The following GPC6 variants were observed in gnomAD, a reference collection of about 807,000 sequenced individuals.
GPC6 encodes the protein glypican 6.
In GPC6, 14 loss-of-function variants were observed where a neutral mutation model predicts 55.2. The observed-to-expected ratio is 0.25, with a 90% confidence interval of 0.17 to 0.40. GPC6 has a LOEUF of 0.40. GPC6 is among the 10% of genes least tolerant of loss of function. The pLI is 1.00. For missense variants in GPC6, 641 were observed against 708.5 expected (o/e 0.90, Z 1.08); for synonymous variants, 278 against 259.6 (o/e 1.07, Z -0.68).
chr13:93,497,831 C>T (rs1321126517), intron 1 of GPC6, among the ~76,000 whole-genome samples: 3 of 152,174 alleles, frequency 2.0e-5, no homozygotes, highest in Non-Finnish European at 2.9e-5. Flanking sequence ...ATTCCAGAAG[C>T]CCCCTTAGAG....
intron 1 of GPC6, among the ~76,000 whole-genome samples, chr13:93,276,503 T>A (rs998086160): frequency 2.3e-3 from 225 of 99,582 alleles, no homozygotes; most frequent in African/African-American, 8.2e-3. Flanking sequence ...AGAGTGTGTG[T>A]GTGTGTGTGT....
intron 5 of GPC6, among the ~76,000 whole-genome samples, chr13:94,298,801 T>C (rs1010875054): frequency 1.3e-5 from 2 of 152,242 alleles, no homozygotes; most frequent in Non-Finnish European, 2.9e-5. Flanking sequence ...CATGATTCAT[T>C]CCTTCAGTCT....
intron 7 of GPC6, among the ~76,000 whole-genome samples, chr13:94,382,825 C>T (rs192572195): frequency 7.9e-4 from 120 of 152,318 alleles, no homozygotes; most frequent in Middle Eastern, 3.4e-3. Flanking sequence ...TTCAGATACC[C>T]TGAGATCACA....
chr13:93,844,778 G>T (rs1382828335), intron 3 of GPC6, among the ~76,000 whole-genome samples: 1 of 145,978 alleles, frequency 6.9e-6, no homozygotes, highest in African/African-American at 2.5e-5. Flanking sequence ...ATGGTTTTAG[G>T]TCTAACGTTT....
chr13:93,323,962 A>ACCATTATATTG, intron 1 of GPC6, among the ~76,000 whole-genome samples: 1 of 152,286 alleles, frequency 6.6e-6, no homozygotes, highest in African/African-American at 2.4e-5. Context: ...AGGAAAGGAA[A>ACCATTATATTG]CCATTATATT....
chr13:94,099,014 A>G (rs1415088903), intron 4 of GPC6, among the ~76,000 whole-genome samples: 1 of 152,122 alleles, frequency 6.6e-6, no homozygotes, highest in African/African-American at 2.4e-5. Context: ...GCAGTAACAT[A>G]TATTTATCCC....
rs148353029 is a variant in GPC6, at chr13:93,864,135, A to C, written c.711+33590A>C. Reference sequence around the variant, plus strand: ...CTAATTTCAAATTAGCTACAATGGCAGATAGTTAGGCATTGTGAATAAAAA... The same window carrying C: ...CTAATTTCAAATTAGCTACAATGGCCGATAGTTAGGCATTGTGAATAAAAA... On this transcript the variant is annotated intron_variant, in intron 3 of 8. Coordinates refer to ENST00000377047, the MANE Select transcript of GPC6 (RefSeq NM_005708.5). 9.7e-4 allele frequency among the ~76,000 whole-genome samples: 147 copies of C among 151,806 alleles called. No homozygotes were observed. The East Asian group carries it at 0.012, about 12-fold the overall frequency.
At chr13:94,183,762 T>C (rs919664315) in intron 4 of GPC6, among the ~76,000 whole-genome samples, 1 of 152,186 alleles carries the variant, frequency 6.6e-6, no homozygotes, top group African/African-American at 2.4e-5. Context: ...TTATAGCCAT[T>C]CTAGCAGGTC....
chr13:93,867,694 A>T (rs903537921), intron 3 of GPC6, among the ~76,000 whole-genome samples: 1 of 151,724 alleles, frequency 6.6e-6, no homozygotes, highest in African/African-American at 2.4e-5. Context: ...CTCCTGCTCC[A>T]CTGTGAGCTT....
chr13:94,048,387 C>G (rs969339179), intron 4 of GPC6, among the ~76,000 whole-genome samples: 3 of 151,728 alleles, frequency 2.0e-5, no homozygotes, highest in African/African-American at 7.3e-5. Context: ...AATAAGAAAC[C>G]AGGATAAATG....
chr13:93,604,111 C>G (rs1187190475), intron 2 of GPC6, among the ~76,000 whole-genome samples: 1 of 152,164 alleles, frequency 6.6e-6, no homozygotes, highest in African/African-American at 2.4e-5. Context: ...GATGCATGTC[C>G]TCTGTTAATG....
At chr13:93,866,909 A>T (rs1242472455) in intron 3 of GPC6, among the ~76,000 whole-genome samples, 1 of 151,736 alleles carries the variant, frequency 6.6e-6, no homozygotes, top group Non-Finnish European at 1.5e-5. Flanking sequence ...AAACATTTCT[A>T]AAAATATATA....
At chr13:93,615,156 T>A (rs1024380500) in intron 2 of GPC6, among the ~76,000 whole-genome samples, 1 of 152,178 alleles carries the variant, frequency 6.6e-6, no homozygotes, top group Non-Finnish European at 1.5e-5. Flanking sequence ...CAATAAAAGT[T>A]TCCTGTGGTG....
At chr13:93,307,709 A>G (rs1285195513) in intron 1 of GPC6, among the ~76,000 whole-genome samples, 1 of 152,132 alleles carries the variant, frequency 6.6e-6, no homozygotes, top group Non-Finnish European at 1.5e-5. Flanking sequence ...AATGAGGTGT[A>G]TGATAAACTT....
At position 94,023,988 on chromosome 13, in the gene GPC6, G is replaced by A. The variant is rs527996754; in HGVS notation, c.712-3741G>A. On this transcript the variant is annotated intron_variant, in intron 3 of 8. Coordinates refer to ENST00000377047, the MANE Select transcript of GPC6 (RefSeq NM_005708.5). ...AGGTGATGGGGACATTAGATGAGGC[G>A]AAGGTAGCAAAAGGGAGTTCTTTTA... Among the ~76,000 whole-genome samples, 10 of 152,100 alleles carry A rather than the reference G, an allele frequency of 6.6e-5. No individual in the cohort carries two copies. The South Asian group carries it at 1.7e-3, about 25-fold the overall frequency.
chr13:93,547,943 G>T (rs1458528480), intron 2 of GPC6, among the ~76,000 whole-genome samples: 1 of 152,130 alleles, frequency 6.6e-6, no homozygotes, highest in African/African-American at 2.4e-5. Context: ...CCTTCCATGA[G>T]TGATTGTGCA....
At chr13:93,909,272 A>T (rs755214165) in intron 3 of GPC6, among the ~76,000 whole-genome samples, 2 of 152,182 alleles carry the variant, frequency 1.3e-5, no homozygotes, top group South Asian at 4.1e-4. Context: ...AAAGTAAAAC[A>T]TAAATTATAA....
At chr13:93,579,414 A>T (rs1876828649) in intron 2 of GPC6, among the ~76,000 whole-genome samples, 3 of 151,984 alleles carry the variant, frequency 2.0e-5, no homozygotes, top group African/African-American at 7.2e-5. Context: ...ATAGCTCAGA[A>T]ATATAATATA....
intron 1 of GPC6, among the ~76,000 whole-genome samples, chr13:93,458,311 C>G (rs1191613313): frequency 1.3e-5 from 2 of 152,108 alleles, no homozygotes; most frequent in African/African-American, 4.8e-5. Flanking sequence ...ATGTCCTCCC[C>G]TAGTACTCTT....
Sources: allele counts gnomAD v4.1 joint callset (sites outside exome capture counted in the v4.1 genomes callset), GRCh38; gene constraint gnomAD v4.1.1; transcripts MANE v1.5; gene names NCBI Gene and HGNC (gene_info 2026-07-23, HGNC 2026-07-21).